ST3GAL3: variants seen among roughly 807,000 people sequenced by gnomAD.
The protein encoded by ST3GAL3 is ST3 beta-galactoside alpha-2,3-sialyltransferase 3, also known as CMP-N-acetylneuraminate-beta-1,4-galactoside alpha-2,3-sialyltransferase.
ST3GAL3 carries 21 observed loss-of-function variants against 50.1 expected under a neutral mutation model. The ratio of observed to expected loss-of-function variants is 0.42; its 90% CI spans 0.30 to 0.60. ST3GAL3 has a LOEUF of 0.60. ST3GAL3 is among the 20% of genes least tolerant of loss of function. The probability of loss-of-function intolerance (pLI) is 0.19; values close to 1 mark genes in which losing one functional copy is unlikely to be tolerated. For synonymous variants in ST3GAL3, 183 were observed against 190.0 expected, an observed-to-expected ratio of 0.96 and a Z score of 0.30; for missense variants, 353 against 489.4, an observed-to-expected ratio of 0.72 and a Z score of 2.63.
At chr1:43,863,299 G>A (rs1388986399) in intron 5 of ST3GAL3, among the ~76,000 whole-genome samples, 6 of 152,154 alleles carry the variant, frequency 3.9e-5, no homozygotes, top group Non-Finnish European at 5.9e-5. Context: ...GGGGCTGTGG[G>A]GAGGCTGAAG....
intron 2 of ST3GAL3, among the ~76,000 whole-genome samples, chr1:43,750,562 A>G: frequency 6.6e-6 from 1 of 152,194 alleles, no homozygotes; most frequent in Non-Finnish European, 1.5e-5. Context: ...AAGGGATTTT[A>G]TTCGCTTGAT....
At chr1:43,838,390 C>CA (rs1417026174) in intron 5 of ST3GAL3, 79 bp downstream of exon 5, 1 of 1,280,460 alleles carries the variant, frequency 7.8e-7, no homozygotes, top group Non-Finnish European at 1.1e-6. Flanking sequence ...CTCTCACAGC[C>CA]AGTCATGTTC....
chr1:43,775,336 C>T (rs187093288), intron 2 of ST3GAL3, among the ~76,000 whole-genome samples: 404 of 151,618 alleles, frequency 2.7e-3, no homozygotes, highest in African/African-American at 9.5e-3. Context: ...CAGATTCAAG[C>T]GATTCTCCTG....
chr1:43,808,372 G>A (rs896562373), intron 3 of ST3GAL3, among the ~76,000 whole-genome samples: 5 of 151,672 alleles, frequency 3.3e-5, no homozygotes, highest in African/African-American at 9.7e-5. Flanking sequence ...TGGTTTGGGC[G>A]CAATGGAAAG....
chr1:43,736,208 A>G, intron 1 of ST3GAL3, 25 bp from the exon 2 acceptor site: 1 of 1,601,910 alleles, frequency 6.2e-7, no homozygotes, highest in Non-Finnish European at 8.6e-7. Context: ...TTTGTCTTTT[A>G]AGAACTAAAC....
Position 43,876,753 on chromosome 1 carries a change from C to T in ST3GAL3, c.303-17630C>T, listed in dbSNP as rs111251349. Among the ~76,000 whole-genome samples the T allele has an allele frequency of 7.9e-5, 12 of 152,216 alleles. 2 individuals carry two copies. The highest frequency in any genetic ancestry group is 2.6e-4 in the African/African-American group (11 of 41,530). ...GGGGTGCTCATTGCATGTGGATGGA[C>T]GAATGTGAAAGAGGAATGCTGCAGC... On this transcript the variant is annotated intron_variant, in intron 5 of 11. Coordinates refer to ENST00000347631, the MANE Select transcript of ST3GAL3 (RefSeq NM_006279.5).
intron 2 of ST3GAL3, among the ~76,000 whole-genome samples, chr1:43,756,929 G>A (rs1688336692): frequency 6.6e-6 from 1 of 152,014 alleles, no homozygotes; most frequent in South Asian, 2.1e-4. Context: ...TTTTGAGGCA[G>A]GGTCTCGCTC....
intron 2 of ST3GAL3, among the ~76,000 whole-genome samples, chr1:43,767,620 AATC>A (rs1693568856): frequency 6.7e-6 from 1 of 150,080 alleles, no homozygotes; most frequent in African/African-American, 2.4e-5. Context: ...TCAAAGAAAA[AATC>A]ATGGGAAGTA....
intron 4 of ST3GAL3, among the ~76,000 whole-genome samples, chr1:43,833,834 C>T (rs2063877184): frequency 6.6e-6 from 1 of 152,142 alleles, no homozygotes; most frequent in African/African-American, 2.4e-5. Context: ...ATGGAAAGTT[C>T]GCAAGGGAAG....
chr1:43,766,155 C>A (rs1692873954), intron 2 of ST3GAL3, among the ~76,000 whole-genome samples: 2 of 152,272 alleles, frequency 1.3e-5, no homozygotes, highest in South Asian at 4.1e-4. Flanking sequence ...ATGAATACCA[C>A]CCAAGTAGCC....
At chr1:43,904,959 C>CT (rs1316419781) in intron 9 of ST3GAL3, among the ~76,000 whole-genome samples, 5 of 25,588 alleles carry the variant, frequency 2.0e-4, no homozygotes, top group African/African-American at 7.6e-4. Context: ...GCCACTCTTC[C>CT]TCCCCTTCCT....
Position 43,737,615 on chromosome 1 carries a change from G to A in ST3GAL3, c.118+1235G>A, listed in dbSNP as rs1480013763. 6.6e-6 allele frequency: 1 copy of A among 152,180 alleles called. No homozygotes were observed. The highest frequency in any genetic ancestry group is 1.5e-5 in the Non-Finnish European group (1 of 68,030). 9.4% of individuals were successfully genotyped at this position (152,180 alleles called of 1,614,324 possible). A position where few individuals can be genotyped will look rare whatever the true frequency, so the allele number is the denominator to read the frequency against. ...TGCACTGACTTATTTTTAAAACCAAGGAGACTACCCAGGATAAGGAGTGTT... is the reference window on the plus strand; with the variant it reads ...TGCACTGACTTATTTTTAAAACCAAAGAGACTACCCAGGATAAGGAGTGTT... On this transcript the variant is annotated intron_variant, in intron 2 of 11. Coordinates refer to ENST00000347631, the MANE Select transcript of ST3GAL3 (RefSeq NM_006279.5). The surrounding 1 kb of genome is among the most constrained non-coding windows in gnomAD (Gnocchi z 4.0).
chr1:43,746,462 A>ATT (rs35545005), intron 2 of ST3GAL3, among the ~76,000 whole-genome samples: 3 of 133,256 alleles, frequency 2.3e-5, no homozygotes, highest in Admixed American at 7.5e-5. Flanking sequence ...TAAAATGGTA[A>ATT]TTTTTTTTTT....
Position 43,905,584 on chromosome 1 carries a change from GC to G in ST3GAL3, c.744+5858del. 1.4e-4 allele frequency among the ~76,000 whole-genome samples: 5 copies of G among 34,922 alleles called. 1 individual carries two copies. The highest frequency in any genetic ancestry group is 7.9e-4 in the Admixed American group (2 of 2,516). The allele number at this position is 34,922 out of a possible 152,430, so 22.9% of individuals were successfully genotyped here. On this transcript the variant is annotated intron_variant, in intron 9 of 11. Coordinates refer to ENST00000347631, the MANE Select transcript of ST3GAL3 (RefSeq NM_006279.5). ...TGCCACTGTTTCTCCCCCTCCTCCT[GC>G]TTCTCTTCCCGCCACTGTTTCTCCC...
chr1:43,741,042 C>A (rs1680701298), intron 2 of ST3GAL3, among the ~76,000 whole-genome samples: 1 of 152,118 alleles, frequency 6.6e-6, no homozygotes, highest in Non-Finnish European at 1.5e-5. Flanking sequence ...TTTAAAAATT[C>A]ATGACTGGGT....
chr1:43,830,450 T>C (rs2063395879), intron 4 of ST3GAL3, among the ~76,000 whole-genome samples: 1 of 152,210 alleles, frequency 6.6e-6, no homozygotes, highest in Non-Finnish European at 1.5e-5. Flanking sequence ...CAAGTACATG[T>C]ATTGCTCCAG....
Position 43,898,185 on chromosome 1 carries a change from A to C in ST3GAL3, c.398-50A>C, listed in dbSNP as rs146184700. 284 of 1,592,670 alleles carry C rather than the reference A, an allele frequency of 1.8e-4. No individual in the cohort carries two copies. In the African/African-American group the frequency reaches 3.1e-3, roughly 17 times the overall value. The stretch of plus-strand genomic sequence containing the variant: ...CAGTAGGATTATCAGTAAACATTTT[A>C]TAGAAAGGTAAGTGACCCTGTAACA... On this transcript the variant is annotated intron_variant, in intron 6 of 11. Transcript: ENST00000347631.
intron 2 of ST3GAL3, chr1:43,736,810 C>T: frequency 3.7e-6 from 1 of 271,882 alleles, no homozygotes; most frequent in Non-Finnish European, 7.2e-6. Flanking sequence ...ATAATATTGT[C>T]TCTGTTTTGT....
intron 6 of ST3GAL3, among the ~76,000 whole-genome samples, chr1:43,897,002 T>C (rs1433742552): frequency 6.6e-6 from 1 of 152,064 alleles, no homozygotes; most frequent in East Asian, 1.9e-4. Context: ...TTTTTGAGAT[T>C]TATCTATATT....
Sources: allele counts gnomAD v4.1 joint callset (sites outside exome capture counted in the v4.1 genomes callset), GRCh38; gene constraint gnomAD v4.1.1; non-coding constraint Gnocchi (gnomAD v3.1); transcripts MANE v1.5; gene names NCBI Gene and HGNC (gene_info 2026-07-23, HGNC 2026-07-21).